SSH2: variants seen among roughly 807,000 people sequenced by gnomAD.
SSH2 encodes the protein protein phosphatase Slingshot homolog 2.
Under a neutral mutation model 135.2 loss-of-function variants are expected in SSH2, and 37 were observed. The observed-to-expected ratio is 0.27, with a 90% confidence interval of 0.21 to 0.36. The LOEUF is 0.36. Ranked by LOEUF, SSH2 falls within the 10% of genes least tolerant of loss-of-function variation. The probability of loss-of-function intolerance (pLI) is 1.00; values close to 1 mark genes in which losing one functional copy is unlikely to be tolerated. For synonymous variants in SSH2, 628 were observed against 646.2 expected, an observed-to-expected ratio of 0.97 and a Z score of 0.43; for missense variants, 1,408 against 1,765.3, an observed-to-expected ratio of 0.80 and a Z score of 3.63.
chr17:29,661,390 T>C (rs1315530196), intron 11 of SSH2, among the ~76,000 whole-genome samples: 1 of 152,108 alleles, frequency 6.6e-6, no homozygotes, highest in Non-Finnish European at 1.5e-5. Flanking sequence ...ACTGTGAAAA[T>C]TGTTAAGTGT....
chr17:29,862,549 C>T (rs2065782573), intron 1 of SSH2, among the ~76,000 whole-genome samples: 1 of 152,206 alleles, frequency 6.6e-6, no homozygotes, highest in African/African-American at 2.4e-5. Flanking sequence ...ACAGCTCCTA[C>T]TGGAAGAGCC....
chr17:29,740,569 A>G (rs1415180065), intron 3 of SSH2, among the ~76,000 whole-genome samples: 1 of 152,100 alleles, frequency 6.6e-6, no homozygotes, highest in Non-Finnish European at 1.5e-5. Context: ...CCTATATTCA[A>G]TACTCATATA....
intron 3 of SSH2, among the ~76,000 whole-genome samples, chr17:29,781,806 TCTC>T (rs2041849242): frequency 6.6e-6 from 1 of 150,882 alleles, no homozygotes; most frequent in East Asian, 2.0e-4. Context: ...TCTCTTTTCT[TCTC>T]CTCTCCTCTC....
rs575795823 is a variant in SSH2 at position 29,820,876 on chromosome 17, T to C, written c.145-26939A>G. ...CGATTAAATTCAGCCCCTTGTCACC[T>C]CTCTCTTCCCAGGGGTACTTGGACT... On this transcript the variant is annotated intron_variant, in intron 2 of 15. Coordinates refer to ENST00000540801, the MANE Select transcript of SSH2 (RefSeq NM_001282129.2). Among the ~76,000 whole-genome samples the C allele has an allele frequency of 2.6e-5, 4 of 152,220 alleles. No individual in the cohort carries two copies. The East Asian group carries it at 7.7e-4, about 29-fold the overall frequency.
intron 3 of SSH2, chr17:29,716,477 G>A: frequency 1.4e-6 from 1 of 698,244 alleles, no homozygotes; most frequent in Non-Finnish European, 2.6e-6. Context: ...AATGCCAGCA[G>A]CATGCTGGTT....
intron 1 of SSH2, among the ~76,000 whole-genome samples, chr17:29,928,853 C>G (rs182201508): frequency 6.7e-6 from 1 of 149,942 alleles, no homozygotes; most frequent in East Asian, 1.9e-4. Context: ...TATTAAATAC[C>G]TTTTTTTGCA....
rs1156458871 is a variant in SSH2 at position 29,630,939 on chromosome 17, C to T, written c.4255G>A (p.Ala1419Thr). 1 of 1,609,492 alleles carries T rather than the reference C, an allele frequency of 6.2e-7. No homozygotes were observed. The highest frequency in any genetic ancestry group is 8.5e-7 in the Non-Finnish European group (1 of 1,176,094). ...CACPAPGLAV[A>T]PRQQHGRTHP... ...GTTCTGCCGTGTTGCTGACGGGGTG[C>T]CACGGCCAGCCCTGGAGCTGGGCAT... The change falls in exon 16 of 16, where the codon GCA becomes ACA. Residue 1419 changes from alanine to threonine, a missense_variant. Ala to Thr is a moderately conservative substitution (Grantham distance 58). Around this residue, in one of 3 missense-constraint regions of SSH2, gnomAD observed 1,080 missense variants for 1,144.5 expected, o/e 0.94. Coordinates refer to ENST00000540801, the MANE Select transcript of SSH2 (RefSeq NM_001282129.2).
intron 3 of SSH2, among the ~76,000 whole-genome samples, chr17:29,730,500 A>G (rs1358228498): frequency 6.6e-6 from 1 of 150,584 alleles, no homozygotes; most frequent in African/African-American, 2.4e-5. Context: ...GAATGGCATG[A>G]TCACCACTCA....
At chr17:29,897,007 C>T (rs1307868683) in intron 1 of SSH2, among the ~76,000 whole-genome samples, 2 of 151,760 alleles carry the variant, frequency 1.3e-5, no homozygotes, top group African/African-American at 2.4e-5. Context: ...TAAAGACATA[C>T]ATATATGGGT....
chr17:29,763,991 C>A (rs1353057595), intron 3 of SSH2, among the ~76,000 whole-genome samples: 9 of 151,546 alleles, frequency 5.9e-5, no homozygotes, highest in Admixed American at 5.3e-4. Flanking sequence ...CTCTTGTTGC[C>A]CACGCTGGAG....
In SSH2 at chr17:29,650,709, C is replaced by T; in HGVS notation, c.1171G>A (p.Ala391Thr). 1.9e-6 allele frequency: 3 copies of T among 1,613,888 alleles called. No homozygotes were observed. The South Asian group carries it at 3.3e-5, about 18-fold the overall frequency. ...TTCCAGTACGCCAGGAGATCCGTTG[C>T]CTCTTCATCATATACCCGAATGTTA... ...YHNIRVYDEE[A>T]TDLLAYWNDT... Residue 391 changes from alanine to threonine, a missense_variant, in exon 13 of 16, where the codon GCA becomes ACA. By Grantham distance (58) the Ala-to-Thr change is moderately conservative. Coordinates refer to ENST00000540801, the MANE Select transcript of SSH2 (RefSeq NM_001282129.2).
At chr17:29,892,276 C>A (rs1263958421) in intron 1 of SSH2, among the ~76,000 whole-genome samples, 2 of 151,758 alleles carry the variant, frequency 1.3e-5, no homozygotes, top group Non-Finnish European at 2.9e-5. Flanking sequence ...GCAGCCCCCA[C>A]CCCCACCTCA....
At chr17:29,862,846 C>T (rs2065788129) in intron 1 of SSH2, among the ~76,000 whole-genome samples, 1 of 152,188 alleles carries the variant, frequency 6.6e-6, no homozygotes, top group African/African-American at 2.4e-5. Flanking sequence ...ACACATCTCT[C>T]AGTCCAAATC....
Position 29,736,837 on chromosome 17 carries a change from C to T in SSH2, c.189-33775G>A, listed in dbSNP as rs2040385357. Among the ~76,000 whole-genome samples, 8 of 132,380 alleles carry T rather than the reference C, an allele frequency of 6.0e-5. No homozygotes were observed. The South Asian group carries it at 1.7e-3, about 28-fold the overall frequency. 86.8% of individuals were successfully genotyped at this position (132,380 alleles called of 152,430 possible). ...AAAATGGGCCGGGCATGGTGGCTCA[C>T]GCCTGTAATCTCAGCACTTTGGGAG... On this transcript the variant is annotated intron_variant, in intron 3 of 15. Coordinates refer to ENST00000540801, the MANE Select transcript of SSH2 (RefSeq NM_001282129.2).
chr17:29,873,909 C>A (rs145548626), intron 1 of SSH2, among the ~76,000 whole-genome samples: 2 of 152,308 alleles, frequency 1.3e-5, no homozygotes, highest in African/African-American at 4.8e-5. Flanking sequence ...CCACCTTCTA[C>A]ATTTATTTTC....
At chr17:29,699,427 C>T (rs1393248575) in intron 4 of SSH2, among the ~76,000 whole-genome samples, 2 of 152,204 alleles carry the variant, frequency 1.3e-5, no homozygotes, top group African/African-American at 4.8e-5. Context: ...GCCAAGGCAG[C>T]TTCAGTTTAT....
intron 3 of SSH2, among the ~76,000 whole-genome samples, chr17:29,757,262 C>CT (rs1468016019): frequency 6.6e-6 from 1 of 152,240 alleles, no homozygotes; most frequent in African/African-American, 2.4e-5. Flanking sequence ...GCTTCTTAAT[C>CT]TTTTTTGAGA....
chr17:29,873,861 A>G (rs991591734), intron 1 of SSH2, among the ~76,000 whole-genome samples: 1 of 152,206 alleles, frequency 6.6e-6, no homozygotes, highest in Non-Finnish European at 1.5e-5. Flanking sequence ...GCTTCTAGGG[A>G]AAGTTCTTGG....
chr17:29,659,974 G>T (rs781223537), intron 11 of SSH2, among the ~76,000 whole-genome samples: 13 of 151,880 alleles, frequency 8.6e-5, no homozygotes, highest in Non-Finnish European at 1.8e-4. Flanking sequence ...GGGATTACAG[G>T]CACGCACCAT....
Sources: gnomAD v4.1 joint callset for allele counts (sites outside exome capture counted in the v4.1 genomes callset) on GRCh38, gnomAD v4.1.1 for gene constraint, gnomAD v4.1.1 regional missense constraint, MANE v1.5 for transcripts, NCBI Gene and HGNC (gene_info 2026-07-23, HGNC 2026-07-21) for gene names.